The following SYNE3 variants were observed in gnomAD, a reference collection of about 807,000 sequenced individuals.
SYNE3 encodes spectrin repeat containing nuclear envelope family member 3, also known as nesprin-3.
SYNE3 carries 100 observed loss-of-function variants against 111.2 expected under a neutral mutation model. The observed-to-expected ratio is 0.90, with a 90% CI of 0.77 to 1.06. The LOEUF (loss-of-function observed/expected upper bound fraction) is 1.06. Ranked by LOEUF, SYNE3 falls within the 50% of genes least tolerant of loss-of-function variation. The pLI is 0.00. For synonymous variants in SYNE3, 547 were observed against 533.9 expected (o/e 1.02, Z -0.34); for missense variants, 1,160 against 1,240.3 (o/e 0.94, Z 0.97).
intron 1 of SYNE3, among the ~76,000 whole-genome samples, chr14:95,509,687 G>A (rs967834209): frequency 3.3e-5 from 5 of 152,222 alleles, no homozygotes; most frequent in African/African-American, 1.2e-4. Context: ...AATGTCACTT[G>A]GGAGGGGCTC....
chr14:95,505,414 G>C (rs920363011), intron 1 of SYNE3, among the ~76,000 whole-genome samples: 5 of 152,214 alleles, frequency 3.3e-5, no homozygotes, highest in Non-Finnish European at 7.3e-5. Context: ...TCTCTGCCAG[G>C]CCAGGTGGCT....
At position 95,503,610 on chromosome 14, in the gene SYNE3, CTTTTTTTTTTT is replaced by C. The variant is rs386382233; in HGVS notation, c.-15+12975_-15+12985del. On this transcript the variant is annotated intron_variant, in intron 1 of 17. Transcript: ENST00000682763. Reference sequence around the variant, plus strand: ...AGATTGAGACTTGTTTCAGAACTACCTTTTTTTTTTTTTTTTTTTTTTTTTTTGAGACAGGT... The same window carrying C: ...AGATTGAGACTTGTTTCAGAACTACCTTTTTTTTTTTTTTTTGAGACAGGT... 8.7e-5 allele frequency among the ~76,000 whole-genome samples: 8 copies of C among 91,888 alleles called. 1 individual carries two copies. The South Asian group carries it at 2.3e-3, about 27-fold the overall frequency. The allele number at this position is 91,888 out of a possible 152,430, so 60.3% of individuals were successfully genotyped here.
At chr14:95,436,384 A>G (rs1467573039) in intron 15 of SYNE3, among the ~76,000 whole-genome samples, 2 of 152,146 alleles carry the variant, frequency 1.3e-5, no homozygotes, top group East Asian at 1.9e-4. Flanking sequence ...TCTCATCTCT[A>G]ATAGCCCACC....
intron 1 of SYNE3, among the ~76,000 whole-genome samples, chr14:95,490,676 G>A (rs765122707): frequency 6.6e-6 from 1 of 152,246 alleles, no homozygotes; most frequent in Non-Finnish European, 1.5e-5. Flanking sequence ...AGTAAGAGCT[G>A]CTGCTGGTTG....
Position 95,444,485 on chromosome 14 carries a change from C to T in SYNE3, c.1776G>A (p.Gln592=). The part of the protein sequence containing the change: ...PGKQAQLSRL[Q]GLQEEGLDLG... ...GATTCAGGCCTCACAGACCCCTCACCTGCAACCTTGAGAGCTGGGCCTGTT... is the reference window on the plus strand; with the variant it reads ...GATTCAGGCCTCACAGACCCCTCACTTGCAACCTTGAGAGCTGGGCCTGTT... Residue 592 remains glutamine (Q), a splice_region_variant and synonymous_variant, in exon 10 of 18, where the codon CAG becomes CAA. Coordinates refer to ENST00000682763, the MANE Select transcript of SYNE3 (RefSeq NM_152592.6). 2 of 1,608,666 alleles carry T rather than the reference C, an allele frequency of 1.2e-6. No individual in the cohort carries two copies.
intron 1 of SYNE3, among the ~76,000 whole-genome samples, chr14:95,486,755 T>C (rs997248959): frequency 6.6e-6 from 1 of 152,244 alleles, no homozygotes; most frequent in African/African-American, 2.4e-5. Context: ...TGTCTTTCCA[T>C]TGAAAAGGAC....
chr14:95,495,898 G>T (rs1319131159), intron 1 of SYNE3, among the ~76,000 whole-genome samples: 3 of 152,214 alleles, frequency 2.0e-5, no homozygotes, highest in South Asian at 2.1e-4. Context: ...GGCCAGTGAG[G>T]CTTGGGGTTA....
intron 2 of SYNE3, among the ~76,000 whole-genome samples, chr14:95,474,635 G>A (rs1566677771): frequency 6.6e-6 from 1 of 152,202 alleles, no homozygotes; most frequent in Admixed American, 6.5e-5. Context: ...TGGATGAGGC[G>A]GTGACACTGA....
At chr14:95,433,606 T>C (rs1194322278) in intron 15 of SYNE3, among the ~76,000 whole-genome samples, 197 bp from the exon 16 acceptor site, 1 of 152,234 alleles carries the variant, frequency 6.6e-6, no homozygotes, top group Non-Finnish European at 1.5e-5. Context: ...TGCTACAGGA[T>C]GGCCTCCTGC....
rs981370239 is a variant in SYNE3 at position 95,410,815 on chromosome 14, C to T, written c.*7011G>A. On this transcript the variant is annotated 3_prime_UTR_variant, in exon 18 of 18. Coordinates refer to ENST00000682763, the MANE Select transcript of SYNE3 (RefSeq NM_152592.6). ...CCAGATGCGAGCCCACGCGCACAAT[C>T]CTAGGATACCTAATATTTCAGGGAG... The T allele has an allele frequency of 2.6e-5, 4 of 152,184 alleles. No individual in the cohort carries two copies. The highest frequency in any genetic ancestry group is 5.9e-5 in the Non-Finnish European group (4 of 68,044). 9.4% of individuals were successfully genotyped at this position (152,184 alleles called of 1,614,324 possible). A position where few individuals can be genotyped will look rare whatever the true frequency, so the allele number is the denominator to read the frequency against.
chr14:95,439,265 GC>G, intron 13 of SYNE3, 103 bp from the exon 14 acceptor site: 2 of 1,523,704 alleles, frequency 1.3e-6, no homozygotes. Context: ...ACGAGTCAGT[GC>G]CCCCCACTGA....
intron 4 of SYNE3, among the ~76,000 whole-genome samples, chr14:95,463,976 G>A (rs1287200552): frequency 1.3e-5 from 2 of 152,242 alleles, no homozygotes; most frequent in Non-Finnish European, 2.9e-5. Context: ...CCTGGGTGCA[G>A]GTCAGGTGAG....
chr14:95,472,213 G>A (rs982823501), intron 2 of SYNE3, among the ~76,000 whole-genome samples: 11 of 152,206 alleles, frequency 7.2e-5, no homozygotes, highest in African/African-American at 2.2e-4. Context: ...GAATGCATTG[G>A]GAATCCAAGC....
intron 1 of SYNE3, among the ~76,000 whole-genome samples, chr14:95,503,310 G>T (rs553374124): frequency 6.6e-6 from 1 of 152,218 alleles, no homozygotes; most frequent in Non-Finnish European, 1.5e-5. Context: ...ACTCTTTACA[G>T]ACATGAGAGA....
intron 1 of SYNE3, among the ~76,000 whole-genome samples, chr14:95,489,831 G>A (rs1889757428): frequency 6.6e-6 from 1 of 152,194 alleles, no homozygotes; most frequent in African/African-American, 2.4e-5. Context: ...ACATGCTGCT[G>A]GCTCAGGGGA....
Position 95,500,842 on chromosome 14 carries a change from G to A in SYNE3, c.-15+15754C>T, listed in dbSNP as rs547941854. Among the ~76,000 whole-genome samples, 6 of 152,174 alleles carry A rather than the reference G, an allele frequency of 3.9e-5. No homozygotes were observed. The South Asian group carries it at 8.3e-4, about 21-fold the overall frequency. The stretch of plus-strand genomic sequence containing the variant: ...TGGAAGAAGCAAACGGTCAGCACAC[G>A]AGCCCCATTCTTTGTACTCCCAGTG... On this transcript the variant is annotated intron_variant, in intron 1 of 17. Coordinates refer to ENST00000682763, the MANE Select transcript of SYNE3 (RefSeq NM_152592.6). This position sits in a 1 kb window ranked among gnomAD's most constrained non-coding sequence, Gnocchi z 4.7.
intron 3 of SYNE3, among the ~76,000 whole-genome samples, chr14:95,467,501 G>A (rs377181754): frequency 2.7e-5 from 4 of 149,540 alleles, no homozygotes; most frequent in African/African-American, 7.4e-5. Context: ...TGCTAGCAGG[G>A]CCCCAGGCCT....
At position 95,408,847 on chromosome 14, in the gene SYNE3, C is replaced by T. The variant is rs1903354860; in HGVS notation, c.*8979G>A. ...AACTGCTCAGCAGGCAGAGACCGCG[C>T]AAAGCCAACTCTGTCCTCTGCCTGC... On this transcript the variant is annotated 3_prime_UTR_variant, in exon 18 of 18. Coordinates refer to ENST00000682763, the MANE Select transcript of SYNE3 (RefSeq NM_152592.6). 6 of 321,844 alleles carry T rather than the reference C, an allele frequency of 1.9e-5. 1 individual carries two copies. Among genetic ancestry groups the T allele is most frequent in the South Asian group, 1.6e-4 (6 of 38,342 alleles). 19.9% of individuals were successfully genotyped at this position (321,844 alleles called of 1,614,324 possible).
At chr14:95,419,349 C>T (rs1884941546) in intron 17 of SYNE3, among the ~76,000 whole-genome samples, 1 of 152,102 alleles carries the variant, frequency 6.6e-6, no homozygotes, top group South Asian at 2.1e-4. Context: ...AAACACCTAC[C>T]CCTATTTGCT....
Sources: gnomAD v4.1 joint callset for allele counts (sites outside exome capture counted in the v4.1 genomes callset) on GRCh38, gnomAD v4.1.1 for gene constraint, Gnocchi (gnomAD v3.1) non-coding constraint, MANE v1.5 for transcripts, NCBI Gene and HGNC (gene_info 2026-07-23, HGNC 2026-07-21) for gene names.